The following CSMD1 variants were observed in gnomAD, a reference collection of about 807,000 sequenced individuals.
CSMD1 encodes CUB and sushi domain-containing protein 1.
Under a neutral mutation model 417.5 loss-of-function variants are expected in CSMD1, and 213 were observed. The ratio of observed to expected loss-of-function variants is 0.51; its 90% CI spans 0.46 to 0.57. The LOEUF (loss-of-function observed/expected upper bound fraction) is 0.57. CSMD1 is among the 20% of genes least tolerant of loss of function. The pLI, the probability that CSMD1 is intolerant of heterozygous loss-of-function variation, is 0.00. For synonymous variants in CSMD1, 2,862 were observed against 1,736.8 expected, an observed-to-expected ratio of 1.65 and a Z score of -16.11; for missense variants, 6,923 against 4,529.7, an observed-to-expected ratio of 1.53 and a Z score of -15.17.
chr8:4,355,413 C>G (rs370922339), intron 3 of CSMD1, among the ~76,000 whole-genome samples: 2 of 151,708 alleles, frequency 1.3e-5, no homozygotes, highest in East Asian at 1.9e-4. Flanking sequence ...ACAGAAGTAG[C>G]GAATTCAGGT....
At chr8:4,562,823 T>C (rs570931239) in intron 2 of CSMD1, among the ~76,000 whole-genome samples, 2 of 152,284 alleles carry the variant, frequency 1.3e-5, no homozygotes, top group Admixed American at 6.5e-5. Context: ...TCATTTATTA[T>C]GTTAGAATAT....
In CSMD1 at chr8:4,065,539, G is replaced by C. The variant is rs1799200058; in HGVS notation, c.416-33440C>G. Among the ~76,000 whole-genome samples, 3 of 135,634 alleles carry C rather than the reference G, an allele frequency of 2.2e-5. No homozygotes were observed. In the Admixed American group the frequency reaches 2.4e-4, roughly 11 times the overall value. 89.0% of individuals were successfully genotyped at this position (135,634 alleles called of 152,430 possible). ...AAGTTACGGTATCAAGAAACTGTAT[G>C]TTTCTTGATAGTAGCTAATCTTTTT... is the stretch of plus-strand genomic sequence containing the variant. On this transcript the variant is annotated intron_variant, in intron 3 of 69. Transcript: ENST00000635120.
chr8:4,386,404 T>G (rs532094241), intron 3 of CSMD1, among the ~76,000 whole-genome samples: 3 of 152,312 alleles, frequency 2.0e-5, no homozygotes, highest in Admixed American at 1.3e-4. Context: ...TCCCCGGTTA[T>G]GACTTCCATC....
intron 12 of CSMD1, among the ~76,000 whole-genome samples, chr8:3,459,636 C>G (rs914680358): frequency 6.6e-6 from 1 of 152,206 alleles, no homozygotes; most frequent in East Asian, 1.9e-4. Flanking sequence ...GGGTAACTCC[C>G]GGACGGTCCA....
At chr8:4,237,081 T>C (rs1001824941) in intron 3 of CSMD1, among the ~76,000 whole-genome samples, 22 of 152,202 alleles carry the variant, frequency 1.4e-4, no homozygotes, top group Non-Finnish European at 1.2e-4. Flanking sequence ...ACGCCTACAA[T>C]TTTATTCTTC....
intron 5 of CSMD1, among the ~76,000 whole-genome samples, chr8:3,813,337 C>A (rs1801188552): frequency 6.6e-6 from 1 of 151,860 alleles, no homozygotes. Context: ...TGTTATACTG[C>A]AAGTAAATTT....
chr8:4,318,990 A>C (rs758136745), intron 3 of CSMD1, among the ~76,000 whole-genome samples: 1 of 152,228 alleles, frequency 6.6e-6, no homozygotes, highest in Admixed American at 6.5e-5. Context: ...TCTTCATATT[A>C]AACAGCTTGA....
rs1234668955 is a variant in CSMD1 at position 4,194,830 on chromosome 8, A to G, written c.416-162731T>C. 5.9e-5 allele frequency among the ~76,000 whole-genome samples: 9 copies of G among 152,196 alleles called. No individual in the cohort carries two copies. The East Asian group carries it at 1.7e-3, about 29-fold the overall frequency. ...CTATGAGTTCTGCAAAGAAAAAAAA[A>G]AGTTTGTTTCAGGATCTCCCACTGT... On this transcript the variant is annotated intron_variant, in intron 3 of 69. Transcript: ENST00000635120.
intron 17 of CSMD1, among the ~76,000 whole-genome samples, chr8:3,395,173 T>C (rs772035109): frequency 6.6e-6 from 1 of 152,144 alleles, no homozygotes; most frequent in Non-Finnish European, 1.5e-5. Flanking sequence ...ATTTGTAAAA[T>C]CATACGTGTG....
intron 11 of CSMD1, among the ~76,000 whole-genome samples, chr8:3,491,979 T>C (rs1028540190): frequency 6.6e-6 from 1 of 152,136 alleles, no homozygotes; most frequent in Non-Finnish European, 1.5e-5. Context: ...CCACCCAATT[T>C]ATTGGTTTAC....
rs1291494937 is a variant in CSMD1, at chr8:3,405,953, G to C, written c.2266+74C>G. 8 of 1,420,384 alleles carry C rather than the reference G, an allele frequency of 5.6e-6. No individual in the cohort carries two copies. The East Asian group carries it at 1.8e-4, about 33-fold the overall frequency. 88.0% of individuals were successfully genotyped at this position (1,420,384 alleles called of 1,614,324 possible). ...CAGCCCTAGCAAGCTAACACAGTTTGTTGGTTTGTGTGTGTGCCTGAAGAT... is the reference window on the plus strand; with the variant it reads ...CAGCCCTAGCAAGCTAACACAGTTTCTTGGTTTGTGTGTGTGCCTGAAGAT... On this transcript the variant is annotated intron_variant, in intron 15 of 69. Coordinates refer to ENST00000635120, the MANE Select transcript of CSMD1 (RefSeq NM_033225.6).
In CSMD1 at chr8:4,201,512, T is replaced by G. The variant is rs555769533; in HGVS notation, c.416-169413A>C. Among the ~76,000 whole-genome samples the G allele has an allele frequency of 3.6e-5, 4 of 111,050 alleles. No individual in the cohort carries two copies. In the East Asian group the frequency reaches 9.3e-4, roughly 26 times the overall value. The allele number at this position is 111,050 out of a possible 152,430, so 72.9% of individuals were successfully genotyped here. ...GACATAGCGCCACTGCCGTCCGGCC[T>G]AGGTAAGAGATCCAGACTCTGTCTC... On this transcript the variant is annotated intron_variant, in intron 3 of 69. Coordinates refer to ENST00000635120, the MANE Select transcript of CSMD1 (RefSeq NM_033225.6).
intron 23 of CSMD1, among the ~76,000 whole-genome samples, chr8:3,323,699 G>A (rs903021771): frequency 3.9e-5 from 6 of 152,268 alleles, no homozygotes; most frequent in African/African-American, 1.4e-4. Flanking sequence ...GTAAGTAGCA[G>A]AGCCAAGAGG....
At chr8:4,646,814 G>C (rs560804906) in intron 1 of CSMD1, among the ~76,000 whole-genome samples, 1 of 152,152 alleles carries the variant, frequency 6.6e-6, no homozygotes, top group Non-Finnish European at 1.5e-5. Context: ...TAAGAGGACA[G>C]ACAGTAAAGA....
chr8:4,982,669 A>G (rs1469600863), intron 1 of CSMD1, among the ~76,000 whole-genome samples: 3 of 152,242 alleles, frequency 2.0e-5, no homozygotes, highest in Non-Finnish European at 4.4e-5. Flanking sequence ...GTATTTTTAT[A>G]TGGACTCTTT....
rs569355625 is a variant in CSMD1 at position 4,328,472 on chromosome 8, AG to A, written c.415+91480del. Reference sequence around the variant, plus strand: ...TGTCACACATAAGGTAACAGTTAACAGGGGACTTACAAAAATTAGAAATACT... The same window carrying A: ...TGTCACACATAAGGTAACAGTTAACAGGGACTTACAAAAATTAGAAATACT... On this transcript the variant is annotated intron_variant, in intron 3 of 69. Transcript: ENST00000635120. Among the ~76,000 whole-genome samples the A allele has an allele frequency of 2.6e-4, 39 of 152,200 alleles. No homozygotes were observed. The East Asian group carries it at 6.4e-3, about 25-fold the overall frequency.
intron 3 of CSMD1, among the ~76,000 whole-genome samples, chr8:4,174,330 C>T (rs1030657522): frequency 1.3e-5 from 2 of 152,084 alleles, no homozygotes; most frequent in African/African-American, 4.8e-5. Context: ...AGGTATTATT[C>T]CCGTTTTACA....
At chr8:3,682,057 C>A (rs1021717100) in intron 7 of CSMD1, among the ~76,000 whole-genome samples, 2 of 152,276 alleles carry the variant, frequency 1.3e-5, no homozygotes. Flanking sequence ...GGATTAAAGA[C>A]TTAAATGTTA....
At chr8:4,372,384 G>A (rs932547485) in intron 3 of CSMD1, among the ~76,000 whole-genome samples, 7 of 152,084 alleles carry the variant, frequency 4.6e-5, no homozygotes, top group African/African-American at 1.4e-4. Context: ...TTCCATTGCT[G>A]CTGTCAAAAG....
Sources: gnomAD v4.1 joint callset for allele counts (sites outside exome capture counted in the v4.1 genomes callset) on GRCh38, gnomAD v4.1.1 for gene constraint, MANE v1.5 for transcripts, NCBI Gene and HGNC (gene_info 2026-07-23, HGNC 2026-07-21) for gene names.